SOX6: variants seen among roughly 807,000 people sequenced by gnomAD.
The protein encoded by SOX6 is transcription factor SOX-6.
Under a neutral mutation model 97.8 loss-of-function variants are expected in SOX6, and 11 were observed. That is an observed-to-expected ratio of 0.11 (90% CI 0.07 to 0.19). The LOEUF (loss-of-function observed/expected upper bound fraction) is 0.19. SOX6 is among the 10% of genes least tolerant of loss of function. SOX6 has a pLI of 1.00. For missense variants in SOX6, 810 were observed against 1,039.5 expected (o/e 0.78, Z 3.04); for synonymous variants, 360 against 371.4 (o/e 0.97, Z 0.35).
At chr11:16,531,855 C>T (rs1183337497) in intron 4 of SOX6, among the ~76,000 whole-genome samples, 3 of 151,882 alleles carry the variant, frequency 2.0e-5, no homozygotes, top group Non-Finnish European at 4.4e-5. Context: ...TACATTGTTT[C>T]GCTTAAGGAC....
chr11:16,674,772 G>A (rs536858283), intron 3 of SOX6, among the ~76,000 whole-genome samples: 46 of 152,242 alleles, frequency 3.0e-4, no homozygotes, highest in East Asian at 9.7e-4. Flanking sequence ...CCAACAAAGC[G>A]AAACCCTATG....
chr11:16,281,359 G>A (rs1049835200), intron 3 of SOX6, among the ~76,000 whole-genome samples: 3 of 151,990 alleles, frequency 2.0e-5, no homozygotes, highest in East Asian at 1.9e-4. Context: ...AGAAGTTTTC[G>A]TACATTTATT....
At chr11:16,063,431 A>T (rs891781119) in intron 9 of SOX6, among the ~76,000 whole-genome samples, 2 of 145,442 alleles carry the variant, frequency 1.4e-5, no homozygotes, top group Non-Finnish European at 3.0e-5. Flanking sequence ...CTTTGTCCAA[A>T]TATAGCCAAA....
chr11:16,073,305 G>GA (rs369159689), intron 9 of SOX6, among the ~76,000 whole-genome samples: 97 of 149,006 alleles, frequency 6.5e-4, no homozygotes, highest in Admixed American at 3.7e-3. Flanking sequence ...GCTAATTTCA[G>GA]AAAAAAAAAC....
At chr11:16,604,953 G>A (rs1444882954) in intron 4 of SOX6, among the ~76,000 whole-genome samples, 6 of 152,140 alleles carry the variant, frequency 3.9e-5, no homozygotes. Context: ...TCTGCCCTCA[G>A]CAGCCCCGGG....
At chr11:16,663,348 G>C (rs1847780481) in intron 3 of SOX6, among the ~76,000 whole-genome samples, 1 of 151,800 alleles carries the variant, frequency 6.6e-6, no homozygotes, top group African/African-American at 2.4e-5. Context: ...TTTTGAGACA[G>C]GGTGTCACTT....
chr11:16,434,809 T>C (rs936214685), intron 1 of SOX6, among the ~76,000 whole-genome samples: 1 of 152,100 alleles, frequency 6.6e-6, no homozygotes, highest in African/African-American at 2.4e-5. Flanking sequence ...AGAGAAAATA[T>C]GCTACAATTT....
intron 4 of SOX6, among the ~76,000 whole-genome samples, chr11:16,524,022 G>A (rs1003487716): frequency 1.3e-5 from 2 of 152,108 alleles, no homozygotes; most frequent in African/African-American, 2.4e-5. Flanking sequence ...GGACCAGATG[G>A]ATTCACAGCT....
chr11:16,456,432 T>A (rs764861785), intron 1 of SOX6, among the ~76,000 whole-genome samples: 4 of 152,060 alleles, frequency 2.6e-5, no homozygotes, highest in Non-Finnish European at 5.9e-5. Flanking sequence ...TAACATGTCT[T>A]CAGCTGAAAA....
At chr11:16,694,252 G>A (rs983815527) in intron 3 of SOX6, among the ~76,000 whole-genome samples, 1 of 152,272 alleles carries the variant, frequency 6.6e-6, no homozygotes, top group African/African-American at 2.4e-5. Flanking sequence ...CTGGAGCCAG[G>A]CATGGTAGCT....
intron 3 of SOX6, among the ~76,000 whole-genome samples, chr11:16,673,167 G>A (rs1422267311): frequency 6.6e-6 from 1 of 151,974 alleles, no homozygotes; most frequent in Non-Finnish European, 1.5e-5. Context: ...ATTTTAAAAA[G>A]AGAAAAACTT....
intron 13 of SOX6, among the ~76,000 whole-genome samples, chr11:15,998,143 A>G (rs1854287683): frequency 6.6e-6 from 1 of 151,380 alleles, no homozygotes; most frequent in Non-Finnish European, 1.5e-5. Flanking sequence ...ACAAATTATA[A>G]AGGAATAAAT....
At chr11:16,430,616 T>C (rs563014830) in intron 1 of SOX6, among the ~76,000 whole-genome samples, 10 of 152,234 alleles carry the variant, frequency 6.6e-5, no homozygotes, top group Admixed American at 3.9e-4. Context: ...ATTGGCTATC[T>C]GTGAGGAAGT....
At chr11:16,022,708 C>T (rs549549333) in intron 12 of SOX6, among the ~76,000 whole-genome samples, 85 of 152,254 alleles carry the variant, frequency 5.6e-4, no homozygotes, top group African/African-American at 2.0e-3. Flanking sequence ...CCACTGCGCC[C>T]AATCAATGCT....
intron 9 of SOX6, among the ~76,000 whole-genome samples, chr11:16,061,303 C>T (rs890868706): frequency 3.3e-5 from 4 of 121,338 alleles, no homozygotes; most frequent in Non-Finnish European, 5.2e-5. Context: ...ACAATAGCTA[C>T]AAAAAAAAAA....
intron 1 of SOX6, among the ~76,000 whole-genome samples, chr11:16,395,236 T>C (rs1054143620): frequency 6.6e-6 from 1 of 151,638 alleles, no homozygotes; most frequent in South Asian, 2.1e-4. Context: ...CAGTCCGGAG[T>C]GAAGGACAGA....
At chr11:16,307,175 T>A (rs115063170) in intron 3 of SOX6, among the ~76,000 whole-genome samples, 17 of 152,166 alleles carry the variant, frequency 1.1e-4, no homozygotes, top group Non-Finnish European at 2.1e-4. Context: ...GCAATGAATG[T>A]TATTCTAGGC....
chr11:16,099,707 C>CTTT lies in SOX6; in HGVS notation c.899-2022_899-2020dup, dbSNP rs34413272. 1.4e-3 allele frequency among the ~76,000 whole-genome samples: 192 copies of CTTT among 134,720 alleles called. 1 individual carries two copies. Among genetic ancestry groups the CTTT allele is most frequent in the African/African-American group, 4.8e-3 (177 of 36,930 alleles). The allele number at this position is 134,720 out of a possible 152,430, so 88.4% of individuals were successfully genotyped here. ...GTCATGCTTCTGTGCTATGAAATAG[C>CTTT]TTTTTTTTTTTTTTTTACAGCTTTT... On this transcript the variant is annotated intron_variant, in intron 7 of 15. Transcript: ENST00000683767.
At chr11:16,256,450 A>T (rs1039474064) in intron 3 of SOX6, among the ~76,000 whole-genome samples, 2 of 151,986 alleles carry the variant, frequency 1.3e-5, no homozygotes, top group Non-Finnish European at 1.5e-5. Flanking sequence ...TAACAATGAT[A>T]AATCATATGA....
Sources: gnomAD v4.1 joint callset for allele counts (sites outside exome capture counted in the v4.1 genomes callset) on GRCh38, gnomAD v4.1.1 for gene constraint, MANE v1.5 for transcripts, NCBI Gene and HGNC (gene_info 2026-07-23, HGNC 2026-07-21) for gene names.